The following DNAH14 variants were observed in gnomAD, a reference collection of about 807,000 sequenced individuals.
DNAH14 encodes axonemal beta dynein heavy chain 14.
DNAH14 carries 478 observed loss-of-function variants against 520.9 expected under a neutral mutation model. The ratio of observed to expected loss-of-function variants is 0.92; its 90% CI spans 0.85 to 0.99. DNAH14 has a LOEUF of 0.99. Among genes scored for constraint, DNAH14 ranks in the 50% least tolerant of loss-of-function variants. The probability of loss-of-function intolerance (pLI) is 0.00; values close to 1 mark genes in which losing one functional copy is unlikely to be tolerated. For synonymous variants in DNAH14, 1,581 were observed against 1,757.2 expected (o/e 0.90, Z 2.51); for missense variants, 4,831 against 5,234.5 (o/e 0.92, Z 2.38).
intron 1 of DNAH14, 122 bp from the exon 2 acceptor site, chr1:224,952,548 G>A (rs1209165416): frequency 4.2e-6 from 2 of 479,864 alleles, no homozygotes; most frequent in Non-Finnish European, 7.2e-6. Flanking sequence ...AACAAAGGCA[G>A]TCAGGATATT....
At position 225,174,365 on chromosome 1, in the gene DNAH14, T is replaced by C. The variant is rs563851520; in HGVS notation, c.5535+6337T>C. Among the ~76,000 whole-genome samples the C allele has an allele frequency of 4.5e-4, 68 of 152,320 alleles. 1 individual carries two copies. Among genetic ancestry groups the C allele is most frequent in the Middle Eastern group, 3.4e-3 (1 of 294 alleles). ...TGTCCTGTTTACTTTCTTTAATAAG[T>C]GTTTTATAGATGATGATATATGTTT... On this transcript the variant is annotated intron_variant, in intron 36 of 85. Transcript: ENST00000682510.
At chr1:225,306,537 C>G (rs1296229318) in intron 58 of DNAH14, among the ~76,000 whole-genome samples, 2 of 152,130 alleles carry the variant, frequency 1.3e-5, no homozygotes, top group Non-Finnish European at 2.9e-5. Context: ...CTCCTAACCT[C>G]CTGGGATCTA....
chr1:225,335,467 ATGTGTGTG>A (rs878987632), intron 66 of DNAH14, among the ~76,000 whole-genome samples: 5 of 93,714 alleles, frequency 5.3e-5, no homozygotes, highest in African/African-American at 2.2e-4. Flanking sequence ...ACGTGTGTAC[ATGTGTGTG>A]TATGCACATA....
At chr1:224,992,076 T>C (rs1045460139) in intron 8 of DNAH14, among the ~76,000 whole-genome samples, 6 of 152,156 alleles carry the variant, frequency 3.9e-5, no homozygotes, top group Admixed American at 1.3e-4. Context: ...GGTTCCCCTT[T>C]CTGTTTTATT....
intron 12 of DNAH14, among the ~76,000 whole-genome samples, chr1:225,040,529 G>A (rs2067384176): frequency 6.6e-6 from 1 of 152,010 alleles, no homozygotes; most frequent in African/African-American, 2.4e-5. Flanking sequence ...ACTCATGTAG[G>A]CTTCACCCAA....
chr1:225,240,940 G>T, intron 43 of DNAH14, 118 bp downstream of exon 43: 1 of 812,340 alleles, frequency 1.2e-6, no homozygotes, highest in Non-Finnish European at 1.9e-6. Context: ...GGAAAAAGAA[G>T]GTTTATAATA....
Position 225,308,345 on chromosome 1 carries a change from A to C in DNAH14, c.9175A>C (p.Met3059Leu). The C allele has an allele frequency of 1.3e-6, 2 of 1,544,114 alleles. No individual in the cohort carries two copies. Among genetic ancestry groups the C allele is most frequent in the African/African-American group, 2.7e-5 (2 of 72,732 alleles). The change falls in exon 60 of 86, where the codon ATG becomes CTG. Residue 3059 changes from methionine to leucine, a missense_variant. Physicochemically the swap from Met to Leu is conservative, Grantham distance 15. Coordinates refer to ENST00000682510, the MANE Select transcript of DNAH14 (RefSeq NM_001367479.1). ...KDSQVVEKVQMLVKQDEEIVA... is the reference protein window; with the variant it reads ...KDSQVVEKVQLLVKQDEEIVA... ...TTCACAAGTAGTTGAGAAAGTTCAGATGCTTGTTAAACAGGATGAAGAAAT... is the reference window on the plus strand; with the variant it reads ...TTCACAAGTAGTTGAGAAAGTTCAGCTGCTTGTTAAACAGGATGAAGAAAT...
At position 224,930,113 on chromosome 1, in the gene DNAH14, C is replaced by T. The variant is rs1339661671; in HGVS notation, c.-34+278C>T. Among the ~76,000 whole-genome samples the T allele has an allele frequency of 3.3e-5, 5 of 152,190 alleles. No individual in the cohort carries two copies. In the East Asian group the frequency reaches 9.6e-4, roughly 29 times the overall value. On this transcript the variant is annotated intron_variant, in intron 1 of 85. Coordinates refer to ENST00000682510, the MANE Select transcript of DNAH14 (RefSeq NM_001367479.1). ...CTTAGTTGCTCTCCCTCAGGCAGGC[C>T]GCGTTCCCTTCTAGTCCTATATTTC...
chr1:225,380,215 G>T lies in DNAH14; in HGVS notation c.12773G>T (p.Arg4258Leu). The T allele has an allele frequency of 6.4e-7, 1 of 1,551,592 alleles. No individual in the cohort carries two copies. Among genetic ancestry groups the T allele is most frequent in the Non-Finnish European group, 8.7e-7 (1 of 1,146,978 alleles). The change falls in exon 80 of 86, where the codon CGG (arginine) becomes CTG (leucine). Residue 4258 changes from arginine to leucine, a missense_variant. By Grantham distance (102) the Arg-to-Leu change is moderately radical. Coordinates refer to ENST00000682510, the MANE Select transcript of DNAH14 (RefSeq NM_001367479.1). ...VMEILSDLLK[R>L]LPLTVEKEEI... ...GAAATTCTATCCGACTTGCTAAAGC[G>T]GCTGCCACTGACAGTGGAGAAAGAA...
At chr1:225,006,635 A>T (rs975121892) in intron 9 of DNAH14, among the ~76,000 whole-genome samples, 1 of 152,200 alleles carries the variant, frequency 6.6e-6, no homozygotes, top group African/African-American at 2.4e-5. Flanking sequence ...AATTCTAGTC[A>T]GATTGGTTGT....
chr1:225,353,693 G>GA (rs955686613), intron 72 of DNAH14, 110 bp from the exon 73 acceptor site: 49,991 of 470,660 alleles, frequency 0.11, 1 homozygote, highest in South Asian at 0.14. Context: ...GCCATGTTTA[G>GA]AAAAAAAAAA....
chr1:225,083,873 TA>T (rs2073425354), intron 20 of DNAH14, among the ~76,000 whole-genome samples: 1 of 152,182 alleles, frequency 6.6e-6, no homozygotes, highest in African/African-American at 2.4e-5. Context: ...ATTTTAGTGA[TA>T]TTTTTATATC....
At chr1:225,065,795 G>A (rs531488793) in intron 17 of DNAH14, among the ~76,000 whole-genome samples, 1 of 151,958 alleles carries the variant, frequency 6.6e-6, no homozygotes, top group Admixed American at 6.6e-5. Flanking sequence ...GTCCACAATT[G>A]TCCATAAGTG....
At chr1:224,987,852 TC>T (rs2062753359) in intron 8 of DNAH14, among the ~76,000 whole-genome samples, 1 of 152,132 alleles carries the variant, frequency 6.6e-6, no homozygotes, top group South Asian at 2.1e-4. Flanking sequence ...GGTCTCGAAC[TC>T]CTGACCTCAT....
At chr1:225,322,595 CTGAGA>C (rs1558380802) in intron 61 of DNAH14, 64 bp from the exon 62 acceptor site, 1 of 1,367,746 alleles carries the variant, frequency 7.3e-7, no homozygotes, top group Non-Finnish European at 9.7e-7. Flanking sequence ...ATATTGTCTT[CTGAGA>C]TATTTACAGG....
chr1:225,399,244 T>G lies in DNAH14; in HGVS notation c.13829T>G (p.Leu4610Trp), dbSNP rs767649164. ...PSHWITMRVA[L>W]LCEKNEK is the part of the protein sequence containing the mutation. Reference sequence around the variant, plus strand: ...CACTGGATCACAATGCGGGTTGCATTGCTTTGTGAGAAGAATGAAAAATAA... The same window carrying G: ...CACTGGATCACAATGCGGGTTGCATGGCTTTGTGAGAAGAATGAAAAATAA... The change falls in exon 86 of 86, where the codon TTG becomes TGG. Residue 4610 changes from leucine to tryptophan, a missense_variant. By Grantham distance (61) the Leu-to-Trp change is moderately conservative. Coordinates refer to ENST00000682510, the MANE Select transcript of DNAH14 (RefSeq NM_001367479.1). 1 of 1,551,214 alleles carries G rather than the reference T, an allele frequency of 6.4e-7. No homozygotes were observed. The highest frequency in any genetic ancestry group is 1.4e-5 in the African/African-American group (1 of 73,030).
At chr1:225,139,436 A>C (rs2079234526) in intron 27 of DNAH14, among the ~76,000 whole-genome samples, 1 of 152,106 alleles carries the variant, frequency 6.6e-6, no homozygotes, top group African/African-American at 2.4e-5. Flanking sequence ...TGCCTTACCT[A>C]CTGCTCATTT....
At chr1:225,292,451 G>A (rs2093914476) in intron 55 of DNAH14, among the ~76,000 whole-genome samples, 1 of 151,976 alleles carries the variant, frequency 6.6e-6, no homozygotes, top group Non-Finnish European at 1.5e-5. Flanking sequence ...CTATTCCATT[G>A]GTCTATGTGT....
rs981833521 is a variant in DNAH14 at position 225,270,291 on chromosome 1, A to G, written c.7540-444A>G. 1.2e-4 allele frequency among the ~76,000 whole-genome samples: 17 copies of G among 137,784 alleles called. 1 individual carries two copies. The South Asian group carries it at 3.8e-3, about 30-fold the overall frequency. 90.4% of individuals were successfully genotyped at this position (137,784 alleles called of 152,430 possible). A position where few individuals can be genotyped will look rare whatever the true frequency, so the allele number is the denominator to read the frequency against. ...GAACAATGAGAACACTTGGACACAG[A>G]ATGGGGAACCTCACACACCGGGGCC... On this transcript the variant is annotated intron_variant, in intron 49 of 85. Transcript: ENST00000682510.
Sources: allele counts gnomAD v4.1 joint callset (sites outside exome capture counted in the v4.1 genomes callset), GRCh38; gene constraint gnomAD v4.1.1; transcripts MANE v1.5; gene names NCBI Gene and HGNC (gene_info 2026-07-23, HGNC 2026-07-21).